Variants in SLC1A2 observed in about 807,000 individuals in gnomAD.
The protein encoded by SLC1A2 is excitatory amino acid transporter 2.
Under a neutral mutation model 48.8 loss-of-function variants are expected in SLC1A2, and 15 were observed. The ratio of observed to expected loss-of-function variants is 0.31; its 90% CI spans 0.21 to 0.47. The LOEUF is 0.47. Among genes scored for constraint, SLC1A2 ranks in the 20% least tolerant of loss-of-function variants. The probability of loss-of-function intolerance (pLI) is 0.99; values close to 1 mark genes in which losing one functional copy is unlikely to be tolerated. For missense variants in SLC1A2, 502 were observed against 730.5 expected (o/e 0.69, Z 3.61); for synonymous variants, 279 against 272.6 (o/e 1.02, Z -0.23).
intron 1 of SLC1A2, among the ~76,000 whole-genome samples, chr11:35,393,441 A>T (rs1343830021): frequency 6.6e-6 from 1 of 152,150 alleles, no homozygotes; most frequent in Non-Finnish European, 1.5e-5. Context: ...CCCCACAGTG[A>T]ATGCAGGAGG....
rs146559881 is a variant in SLC1A2, at chr11:35,410,513, C to A, written c.17+8437G>T. On this transcript the variant is annotated intron_variant, in intron 1 of 10. Transcript: ENST00000278379. ...ACTCATTATTTTATTATCTTTCTAA[C>A]ATTTGAATTTGGAAACAGTGGTGGA... Among the ~76,000 whole-genome samples the A allele has an allele frequency of 1.7e-4, 26 of 152,276 alleles. 1 individual carries two copies. The East Asian group carries it at 4.8e-3, about 28-fold the overall frequency.
chr11:35,366,577 G>A (rs547947041), intron 1 of SLC1A2, among the ~76,000 whole-genome samples: 2 of 152,286 alleles, frequency 1.3e-5, no homozygotes, highest in African/African-American at 2.4e-5. Context: ...TGTCCACAGT[G>A]GTAGCTAGCT....
At chr11:35,408,966 C>T (rs1048500231) in intron 1 of SLC1A2, among the ~76,000 whole-genome samples, 1 of 152,210 alleles carries the variant, frequency 6.6e-6, no homozygotes, top group African/African-American at 2.4e-5. Context: ...CTTGCTCTAC[C>T]TTCTGTTGCT....
chr11:35,340,142 A>G (rs1852783301), intron 1 of SLC1A2, among the ~76,000 whole-genome samples: 1 of 152,174 alleles, frequency 6.6e-6, no homozygotes, highest in Admixed American at 6.5e-5. Flanking sequence ...GAGCAGAGAG[A>G]AGAAGCAACG....
chr11:35,378,023 T>C (rs1437058175), intron 1 of SLC1A2, among the ~76,000 whole-genome samples: 1 of 152,224 alleles, frequency 6.6e-6, no homozygotes, highest in African/African-American at 2.4e-5. Context: ...GTTCCTTTAG[T>C]AGTTTCAGCC....
At position 35,259,053 on chromosome 11, in the gene SLC1A2, A is replaced by G. The variant is rs1250804343; in HGVS notation, c.*1841T>C. ...TCTACTGGAAATAAAGACCAATGTC[A>G]TTTGAAAAGCAAAAATGAAAAGTTG... On this transcript the variant is annotated 3_prime_UTR_variant, in exon 11 of 11. Transcript: ENST00000278379. The G allele has an allele frequency of 6.6e-6, 1 of 152,588 alleles. No individual in the cohort carries two copies. Among genetic ancestry groups the G allele is most frequent in the African/African-American group, 2.4e-5 (1 of 41,430 alleles). 9.5% of individuals were successfully genotyped at this position (152,588 alleles called of 1,614,324 possible). A position where few individuals can be genotyped will look rare whatever the true frequency, so the allele number is the denominator to read the frequency against.
intron 9 of SLC1A2, 78 bp from the exon 10 acceptor site, chr11:35,265,836 A>G: frequency 1.1e-6 from 1 of 874,814 alleles, no homozygotes; most frequent in Non-Finnish European, 1.8e-6. Context: ...CTGGAGTCAG[A>G]GAGACATAGG....
At chr11:35,353,379 T>C (rs1853336406) in intron 1 of SLC1A2, among the ~76,000 whole-genome samples, 1 of 151,490 alleles carries the variant, frequency 6.6e-6, no homozygotes, top group South Asian at 2.1e-4. Context: ...TTGAATCAAA[T>C]GTTGCTTCCT....
chr11:35,311,903 A>G (rs1432602568), intron 4 of SLC1A2, among the ~76,000 whole-genome samples: 5 of 14,322 alleles, frequency 3.5e-4, no homozygotes, highest in African/African-American at 1.1e-3. Flanking sequence ...GGAGGGAGAG[A>G]GAGAGAGAGA....
chr11:35,417,730 A>G (rs1855653953), intron 1 of SLC1A2, among the ~76,000 whole-genome samples: 1 of 152,186 alleles, frequency 6.6e-6, no homozygotes. Flanking sequence ...CTTTGGAAGG[A>G]CTCTGGGGGA....
In SLC1A2 at chr11:35,259,694, G is replaced by GT. The variant is rs1184956544; in HGVS notation, c.*1199dup. The GT allele has an allele frequency of 1.3e-5, 2 of 152,234 alleles. No homozygotes were observed. Among genetic ancestry groups the GT allele is most frequent in the African/African-American group, 4.8e-5 (2 of 41,452 alleles). 9.4% of individuals were successfully genotyped at this position (152,234 alleles called of 1,614,324 possible). A position where few individuals can be genotyped will look rare whatever the true frequency, so the allele number is the denominator to read the frequency against. ...TTTATAGGGTTTTGCACAGATGTTTGTTTTCTGTTCCTTTCTACTGAGAAG... is the reference window on the plus strand; with the variant it reads ...TTTATAGGGTTTTGCACAGATGTTTGTTTTTCTGTTCCTTTCTACTGAGAAG... On this transcript the variant is annotated 3_prime_UTR_variant, in exon 11 of 11. Transcript: ENST00000278379.
chr11:35,323,726 G>T (rs1382322232), intron 1 of SLC1A2, among the ~76,000 whole-genome samples: 1 of 152,236 alleles, frequency 6.6e-6, no homozygotes, highest in African/African-American at 2.4e-5. Context: ...GTAGAGATGA[G>T]CGACAAACCA....
At position 35,419,262 on chromosome 11, in the gene SLC1A2, G is replaced by C. The variant is rs921577669; in HGVS notation, c.-296C>G. On this transcript the variant is annotated 5_prime_UTR_variant, in exon 1 of 11. Transcript: ENST00000278379. The surrounding 1 kb of genome is among the most constrained non-coding windows in gnomAD (Gnocchi z 5.4). Reference sequence around the variant, plus strand: ...GGCTCCGAGGGTGGCTTCCCCGAGAGAGCGATGCGCCCAGGGCTGCAGGAG... The same window carrying C: ...GGCTCCGAGGGTGGCTTCCCCGAGACAGCGATGCGCCCAGGGCTGCAGGAG... 10 of 377,486 alleles carry C rather than the reference G, an allele frequency of 2.6e-5. No individual in the cohort carries two copies. In the East Asian group the frequency reaches 2.7e-4, roughly 10 times the overall value. 23.4% of individuals were successfully genotyped at this position (377,486 alleles called of 1,614,324 possible).
intron 6 of SLC1A2, chr11:35,299,376 T>TATATATAC (rs1227199139): frequency 8.9e-6 from 1 of 112,062 alleles, no homozygotes; most frequent in African/African-American, 2.8e-5. Flanking sequence ...TGTGTGTATA[T>TATATATAC]ATATATACAT....
chr11:35,370,274 G>A (rs1313442061), intron 1 of SLC1A2, among the ~76,000 whole-genome samples: 3 of 152,152 alleles, frequency 2.0e-5, no homozygotes, highest in Admixed American at 2.0e-4. Flanking sequence ...CTAAGAACTG[G>A]GGCTAGGTTT....
intron 1 of SLC1A2, among the ~76,000 whole-genome samples, chr11:35,350,484 AAGGTTGTGAATCTTGCCCAAGGTCAT>A (rs1355556210): frequency 2.0e-5 from 3 of 152,230 alleles, no homozygotes; most frequent in African/African-American, 7.2e-5. Context: ...AAGAAGGGCT[AAGGTTGTGAATCTTGCCCAAGGTCAT>A]ATAACTAATA....
intron 1 of SLC1A2, among the ~76,000 whole-genome samples, chr11:35,396,125 T>C (rs1194492539): frequency 0.015 from 1,919 of 130,680 alleles, 32 homozygotes; most frequent in African/African-American, 0.062. Flanking sequence ...TGAATAATGC[T>C]GCAATAAACA....
chr11:35,357,184 C>T (rs1238566339), intron 1 of SLC1A2, among the ~76,000 whole-genome samples: 3 of 150,672 alleles, frequency 2.0e-5, no homozygotes, highest in African/African-American at 4.9e-5. Context: ...TTGAACCCAG[C>T]AGGCAGAGGT....
At chr11:35,357,735 C>T (rs1388199491) in intron 1 of SLC1A2, among the ~76,000 whole-genome samples, 1 of 152,128 alleles carries the variant, frequency 6.6e-6, no homozygotes, top group African/African-American at 2.4e-5. Flanking sequence ...TAGTCAGGTC[C>T]TACATATTGT....
Sources: gnomAD v4.1 joint callset for allele counts (sites outside exome capture counted in the v4.1 genomes callset) on GRCh38, gnomAD v4.1.1 for gene constraint, Gnocchi (gnomAD v3.1) non-coding constraint, MANE v1.5 for transcripts, NCBI Gene and HGNC (gene_info 2026-07-23, HGNC 2026-07-21) for gene names.